The following RALB variants were observed in gnomAD, a reference collection of about 807,000 sequenced individuals.
RALB encodes ras-related protein Ral-B.
A neutral mutation model predicts 21.3 loss-of-function variants in RALB; 16 were observed. The ratio of observed to expected loss-of-function variants is 0.75; its 90% confidence interval spans 0.51 to 1.14. The LOEUF (loss-of-function observed/expected upper bound fraction) is 1.14. RALB is among the 50% of genes most tolerant of loss of function. The pLI, the probability that RALB is intolerant of heterozygous loss-of-function variation, is 0.00. For synonymous variants in RALB, 93 were observed against 96.1 expected, an observed-to-expected ratio of 0.97 and a Z score of 0.19; for missense variants, 161 against 256.2, an observed-to-expected ratio of 0.63 and a Z score of 2.54.
At chr2:120,285,810 G>GT (rs1255071070) in intron 2 of RALB, 64 bp from the exon 3 acceptor site, 3 of 1,444,634 alleles carry the variant, frequency 2.1e-6, no homozygotes, top group Admixed American at 3.4e-5. Context: ...GTGGAATTTT[G>GT]TTTTTTGGCA....
chr2:120,286,078 T>C lies in RALB; in HGVS notation c.319T>C (p.Phe107Leu). The change falls in exon 3 of 5, where the codon TTC becomes CTC. Residue 107 changes from phenylalanine (F) to leucine (L), a missense_variant. Transcript: ENST00000272519. ...EHESFTATAE[F>L]REQILRVKAE... is the part of the protein sequence containing the mutation. Reference sequence around the variant, plus strand: ...TGAATCCTTTACAGCAACTGCCGAATTCAGGTATGTCTGAAATGAAATAGC... The same window carrying C: ...TGAATCCTTTACAGCAACTGCCGAACTCAGGTATGTCTGAAATGAAATAGC... 6.2e-7 allele frequency: 1 copy of C among 1,613,892 alleles called. No individual in the cohort carries two copies. Among genetic ancestry groups the C allele is most frequent in the East Asian group, 2.2e-5 (1 of 44,874 alleles).
chr2:120,285,078 G>A (rs1573355655), intron 2 of RALB, among the ~76,000 whole-genome samples: 1 of 152,142 alleles, frequency 6.6e-6, no homozygotes, highest in Non-Finnish European at 1.5e-5. Context: ...AAGAAAAGAG[G>A]TGTATAGCCT....
chr2:120,261,886 C>T (rs1447842998), intron 1 of RALB, among the ~76,000 whole-genome samples: 1 of 152,072 alleles, frequency 6.6e-6, no homozygotes, highest in Non-Finnish European at 1.5e-5. Context: ...AGGATGGAGG[C>T]TGAGGCTAGA....
intron 1 of RALB, among the ~76,000 whole-genome samples, chr2:120,259,746 A>G (rs1442953594): frequency 6.6e-6 from 1 of 152,350 alleles, no homozygotes; most frequent in Non-Finnish European, 1.5e-5. Flanking sequence ...TGCGCCATGC[A>G]CTTGCATTCC....
chr2:120,242,124 G>A (rs1165305164), intron 1 of RALB, among the ~76,000 whole-genome samples: 1 of 152,190 alleles, frequency 6.6e-6, no homozygotes, highest in African/African-American at 2.4e-5. Context: ...TGAACCTTGA[G>A]GACATTATGC....
chr2:120,241,826 C>A (rs561298307), intron 1 of RALB, among the ~76,000 whole-genome samples: 4 of 152,266 alleles, frequency 2.6e-5, no homozygotes, highest in African/African-American at 9.6e-5. Context: ...GGTGGGAATG[C>A]GTAATGGTGC....
intron 4 of RALB, among the ~76,000 whole-genome samples, chr2:120,291,089 G>A (rs1690293383): frequency 6.6e-6 from 1 of 152,206 alleles, no homozygotes; most frequent in South Asian, 2.1e-4. Context: ...CACTTGAAGT[G>A]ATGCTAGAAG....
intron 1 of RALB, among the ~76,000 whole-genome samples, chr2:120,242,621 C>T (rs1688913545): frequency 6.6e-6 from 1 of 152,044 alleles, no homozygotes; most frequent in Non-Finnish European, 1.5e-5. Flanking sequence ...GCCTGTTGTC[C>T]CAGCAACTTG....
At chr2:120,244,309 AG>A (rs1392670025) in intron 1 of RALB, among the ~76,000 whole-genome samples, 3 of 152,200 alleles carry the variant, frequency 2.0e-5, no homozygotes, top group Admixed American at 1.3e-4. Flanking sequence ...GCTCAGGCCC[AG>A]CCCGTCCCGG....
At chr2:120,264,007 C>T (rs1366151314) in intron 1 of RALB, among the ~76,000 whole-genome samples, 1 of 151,498 alleles carries the variant, frequency 6.6e-6, no homozygotes, top group Non-Finnish European at 1.5e-5. Context: ...CGCCACCACG[C>T]CCGGCTAATT....
Position 120,289,673 on chromosome 2 carries a change from T to C in RALB, c.417T>C (p.Pro139=). 6.2e-7 allele frequency: 1 copy of C among 1,614,168 alleles called. No homozygotes were observed. The highest frequency in any genetic ancestry group is 2.2e-5 in the East Asian group (1 of 44,886). Residue 139 remains proline (P), a synonymous_variant, in exon 4 of 5, where the codon CCT becomes CCC. Coordinates refer to ENST00000272519, the MANE Select transcript of RALB (RefSeq NM_002881.3). ...KSDLEERRQV[P]VEEARSKAEE... ...ACCTAGAGGAGCGGAGGCAGGTGCC[T>C]GTGGAGGAGGCCAGGAGTAAAGCCG...
chr2:120,246,121 TA>T (rs1387697378), intron 1 of RALB, among the ~76,000 whole-genome samples: 1 of 152,190 alleles, frequency 6.6e-6, no homozygotes, highest in Admixed American at 6.5e-5. Flanking sequence ...GGGCTGTCTA[TA>T]AAAAAATCCA....
chr2:120,255,041 C>T (rs528201653), intron 1 of RALB, among the ~76,000 whole-genome samples: 16 of 152,278 alleles, frequency 1.1e-4, no homozygotes, highest in Admixed American at 9.8e-4. Flanking sequence ...TTGCTAAATT[C>T]TTACCCCCCT....
chr2:120,257,906 A>G (rs1237339842), intron 1 of RALB, among the ~76,000 whole-genome samples: 1 of 152,216 alleles, frequency 6.6e-6, no homozygotes, highest in Non-Finnish European at 1.5e-5. Flanking sequence ...TTGCATGGCA[A>G]ACCTTTTAAA....
intron 2 of RALB, among the ~76,000 whole-genome samples, chr2:120,283,315 T>C (rs1032552221): frequency 6.6e-6 from 1 of 152,154 alleles, no homozygotes; most frequent in Non-Finnish European, 1.5e-5. Context: ...GTATCGTTAG[T>C]GTTAGTGTAT....
chr2:120,273,240 CTGGT>C (rs1190746592), intron 1 of RALB, among the ~76,000 whole-genome samples: 1 of 151,802 alleles, frequency 6.6e-6, no homozygotes, highest in East Asian at 1.9e-4. Flanking sequence ...ATGGGTGCTG[CTGGT>C]TGGTTGGGGA....
At chr2:120,277,289 G>A (rs1032329742) in intron 1 of RALB, among the ~76,000 whole-genome samples, 9 of 152,114 alleles carry the variant, frequency 5.9e-5, no homozygotes, top group Non-Finnish European at 1.0e-4. Flanking sequence ...ATGTGCGAGA[G>A]CGTGTGTGTT....
At chr2:120,265,291 A>G (rs191366878) in intron 1 of RALB, among the ~76,000 whole-genome samples, 1 of 152,322 alleles carries the variant, frequency 6.6e-6, no homozygotes, top group African/African-American at 2.4e-5. Context: ...TGTACCGAAT[A>G]CCGTGGGCAG....
intron 1 of RALB, chr2:120,253,303 C>G (rs951812944): frequency 3.7e-6 from 3 of 802,398 alleles, no homozygotes; most frequent in Non-Finnish European, 4.5e-6. Flanking sequence ...GCGGGCCTCC[C>G]GCTCGGGACC....
Sources: allele counts gnomAD v4.1 joint callset (sites outside exome capture counted in the v4.1 genomes callset), GRCh38; gene constraint gnomAD v4.1.1; transcripts MANE v1.5; gene names NCBI Gene and HGNC (gene_info 2026-07-23, HGNC 2026-07-21).